Variants in LHFPL2 observed in about 807,000 individuals in gnomAD.
The protein encoded by LHFPL2 is LHFPL tetraspan subfamily member 2 protein.
In LHFPL2, 7 loss-of-function variants were observed where a neutral mutation model predicts 17.5. The ratio of observed to expected loss-of-function variants is 0.40; its 90% CI spans 0.23 to 0.75. The LOEUF (loss-of-function observed/expected upper bound fraction) is 0.75. LHFPL2 is among the 30% of genes least tolerant of loss of function. The probability of loss-of-function intolerance (pLI) is 0.37; values close to 1 mark genes in which losing one functional copy is unlikely to be tolerated. For synonymous variants in LHFPL2, 134 were observed against 116.2 expected (o/e 1.15, Z -0.99); for missense variants, 241 against 294.8 (o/e 0.82, Z 1.34).
chr5:78,520,452 G>A, intron 3 of LHFPL2, among the ~76,000 whole-genome samples: 1 of 152,208 alleles, frequency 6.6e-6, no homozygotes. Context: ...CCAAAAGTCA[G>A]TCACTTCAAG....
chr5:78,618,095 T>C (rs1332490241), intron 2 of LHFPL2, among the ~76,000 whole-genome samples: 1 of 151,920 alleles, frequency 6.6e-6, no homozygotes. Context: ...TTCCAGCTAC[T>C]TGGGAGGCTG....
rs543518400 is a variant in LHFPL2, at chr5:78,529,786, A to C, written c.-185-19388T>G. ...AGGAAATCATCTGACAGACTGAATC[A>C]TAAATTTGTGCAATGCAAGAATTTA... On this transcript the variant is annotated intron_variant, in intron 3 of 4. Coordinates refer to ENST00000380345, the MANE Select transcript of LHFPL2 (RefSeq NM_005779.3). Among the ~76,000 whole-genome samples, 19 of 152,390 alleles carry C rather than the reference A, an allele frequency of 1.2e-4. 1 individual carries two copies. The South Asian group carries it at 3.9e-3, about 32-fold the overall frequency.
At chr5:78,557,950 A>C (rs1756625048) in intron 3 of LHFPL2, among the ~76,000 whole-genome samples, 1 of 152,224 alleles carries the variant, frequency 6.6e-6, no homozygotes, top group African/African-American at 2.4e-5. Flanking sequence ...GAAAGCAAAG[A>C]TTACAAAAAC....
intron 4 of LHFPL2, among the ~76,000 whole-genome samples, chr5:78,500,528 G>GA (rs758741404): frequency 1.3e-4 from 20 of 152,168 alleles, no homozygotes; most frequent in Non-Finnish European, 2.5e-4. Context: ...CACCCAGGAA[G>GA]AGTTCTGGTT....
At chr5:78,518,070 C>T (rs763547683) in intron 3 of LHFPL2, among the ~76,000 whole-genome samples, 31 of 152,198 alleles carry the variant, frequency 2.0e-4, no homozygotes, top group Non-Finnish European at 4.4e-4. Context: ...TATGCCTGTA[C>T]AGACCATAGG....
Position 78,581,580 on chromosome 5 carries a change from G to C in LHFPL2, c.-244-16709C>G, listed in dbSNP as rs575768995. Among the ~76,000 whole-genome samples, 32 of 152,176 alleles carry C rather than the reference G, an allele frequency of 2.1e-4. No homozygotes were observed. The East Asian group carries it at 3.9e-3, about 18-fold the overall frequency. On this transcript the variant is annotated intron_variant, in intron 2 of 4. Coordinates refer to ENST00000380345, the MANE Select transcript of LHFPL2 (RefSeq NM_005779.3). ...TTTTTGTCTTTGGTTCTGTTTATAT[G>C]CTGGATTACATTTATTGATTTGCGT... is the stretch of plus-strand genomic sequence containing the variant.
At chr5:78,510,442 C>T (rs1024298166) in intron 3 of LHFPL2, 44 bp from the exon 4 acceptor site, 2 of 519,514 alleles carry the variant, frequency 3.8e-6, no homozygotes, top group Non-Finnish European at 6.8e-6. Flanking sequence ...CAGGCCCCGC[C>T]CCGCCTTCCC....
intron 2 of LHFPL2, among the ~76,000 whole-genome samples, chr5:78,615,870 G>C (rs1742879390): frequency 6.6e-6 from 1 of 151,960 alleles, no homozygotes; most frequent in Admixed American, 6.6e-5. Context: ...CATCTGATAA[G>C]GGCAATGTTC....
intron 3 of LHFPL2, among the ~76,000 whole-genome samples, chr5:78,523,063 G>A (rs1755504830): frequency 6.6e-6 from 1 of 152,126 alleles, no homozygotes; most frequent in African/African-American, 2.4e-5. Flanking sequence ...CAGCAAGACA[G>A]AAGTGGCTGA....
chr5:78,504,867 G>T (rs1754885826), intron 4 of LHFPL2, among the ~76,000 whole-genome samples: 1 of 152,240 alleles, frequency 6.6e-6, no homozygotes, highest in Non-Finnish European at 1.5e-5. Context: ...TGGTGGGGCA[G>T]CTTGCTAAGG....
intron 3 of LHFPL2, among the ~76,000 whole-genome samples, chr5:78,556,890 A>G (rs955109900): frequency 7.2e-5 from 11 of 152,184 alleles, no homozygotes; most frequent in African/African-American, 2.7e-4. Flanking sequence ...GCATGCTTAT[A>G]CATTTCTGTA....
chr5:78,632,658 A>AC (rs1745295208), intron 1 of LHFPL2, among the ~76,000 whole-genome samples: 1 of 152,202 alleles, frequency 6.6e-6, no homozygotes, highest in Admixed American at 6.5e-5. Context: ...TATGCCAGGT[A>AC]CCTTCTATAT....
chr5:78,518,276 G>T (rs1300774052), intron 3 of LHFPL2, among the ~76,000 whole-genome samples: 1 of 152,188 alleles, frequency 6.6e-6, no homozygotes, highest in Non-Finnish European at 1.5e-5. Flanking sequence ...TTTTAACTAA[G>T]AAAAGTAACA....
intron 3 of LHFPL2, among the ~76,000 whole-genome samples, chr5:78,514,675 C>A (rs1168726876): frequency 6.6e-6 from 1 of 152,160 alleles, no homozygotes; most frequent in Non-Finnish European, 1.5e-5. Context: ...TCACATCTAC[C>A]TGGAAAGAAT....
chr5:78,491,458 C>T (rs1029725206), intron 4 of LHFPL2, among the ~76,000 whole-genome samples: 1 of 152,080 alleles, frequency 6.6e-6, no homozygotes, highest in Non-Finnish European at 1.5e-5. Flanking sequence ...GACTCTTGGT[C>T]GTCTAGAATA....
intron 4 of LHFPL2, among the ~76,000 whole-genome samples, chr5:78,493,103 A>C (rs192920942): frequency 1.3e-5 from 2 of 152,228 alleles, no homozygotes; most frequent in African/African-American, 4.8e-5. Context: ...AAATTTTTTT[A>C]AAAAATCTTA....
At position 78,614,754 on chromosome 5, in the gene LHFPL2, A is replaced by G. The variant is rs114801670; in HGVS notation, c.-245+17510T>C. Among the ~76,000 whole-genome samples, 510 of 152,360 alleles carry G rather than the reference A, an allele frequency of 3.3e-3. 4 individuals are homozygous for G. Among genetic ancestry groups the G allele is most frequent in the African/African-American group, 0.012 (497 of 41,594 alleles). On this transcript the variant is annotated intron_variant, in intron 2 of 4. Transcript: ENST00000380345. The stretch of plus-strand genomic sequence containing the variant: ...GTGACTTCGGACCCTTTCAAATTAT[A>G]TTTTACCAAAAAGAAGTAACTACTG...
rs1754244229 is a variant in LHFPL2, at chr5:78,486,427, AC to A, written c.*2469del. 6.6e-6 allele frequency: 1 copy of A among 152,246 alleles called. No individual in the cohort carries two copies. Among genetic ancestry groups the A allele is most frequent in the African/African-American group, 2.4e-5 (1 of 41,464 alleles). 9.4% of individuals were successfully genotyped at this position (152,246 alleles called of 1,614,324 possible). On this transcript the variant is annotated 3_prime_UTR_variant, in exon 5 of 5. Transcript: ENST00000380345. The stretch of plus-strand genomic sequence containing the variant: ...AGTGTGAGCCAACAATCTATTTTTA[AC>A]ATTTCTTTCTAGCATATTCCTCATA...
At chr5:78,625,327 G>C (rs955058432) in intron 2 of LHFPL2, 2 of 152,144 alleles carry the variant, frequency 1.3e-5, no homozygotes, top group Non-Finnish European at 2.9e-5. Flanking sequence ...TAGGCTCCTA[G>C]CTGCTGGTAA....
Sources: gnomAD v4.1 joint callset for allele counts (sites outside exome capture counted in the v4.1 genomes callset) on GRCh38, gnomAD v4.1.1 for gene constraint, MANE v1.5 for transcripts, NCBI Gene and HGNC (gene_info 2026-07-23, HGNC 2026-07-21) for gene names.